PKHD1L1: variants seen among roughly 807,000 people sequenced by gnomAD.
The protein encoded by PKHD1L1 is fibrocystin-L.
PKHD1L1 carries 434 observed loss-of-function variants against 462.9 expected under a neutral mutation model. The ratio of observed to expected loss-of-function variants is 0.94; its 90% CI spans 0.87 to 1.02. The LOEUF (loss-of-function observed/expected upper bound fraction) is 1.02. PKHD1L1 is among the 50% of genes least tolerant of loss of function. PKHD1L1 has a pLI of 0.00. For missense variants in PKHD1L1, 5,202 were observed against 5,096.1 expected (o/e 1.02, Z -0.63); for synonymous variants, 1,781 against 1,750.0 (o/e 1.02, Z -0.44).
At chr8:109,472,715 G>GA (rs11321135) in intron 50 of PKHD1L1, among the ~76,000 whole-genome samples, 13 of 150,072 alleles carry the variant, frequency 8.7e-5, no homozygotes, top group Admixed American at 1.3e-4. Context: ...TTCTGTGTGT[G>GA]AAAAAAAAAA....
chr8:109,441,720 T>C (rs1433677949), intron 34 of PKHD1L1, among the ~76,000 whole-genome samples: 1 of 152,172 alleles, frequency 6.6e-6, no homozygotes, highest in African/African-American at 2.4e-5. Flanking sequence ...ATATTCTATG[T>C]AAGATTTCTA....
At chr8:109,450,681 A>C (rs1489065689) in intron 40 of PKHD1L1, among the ~76,000 whole-genome samples, 1 of 152,102 alleles carries the variant, frequency 6.6e-6, no homozygotes, top group Admixed American at 6.6e-5. Flanking sequence ...CTAATTTACA[A>C]AGTTGGATCC....
Position 109,464,843 on chromosome 8 carries a change from C to T in PKHD1L1, c.8011C>T (p.His2671Tyr), listed in dbSNP as rs761865905. The T allele has an allele frequency of 1.7e-5, 28 of 1,613,600 alleles. No individual in the cohort carries two copies. The African/African-American group carries it at 3.2e-4, about 18-fold the overall frequency. Reference sequence around the variant, plus strand: ...GGTCAATGGAGGTGCCCTTCAGTTCCATAACTTTGTGATGGTGAATAACTA... The same window carrying T: ...GGTCAATGGAGGTGCCCTTCAGTTCTATAACTTTGTGATGGTGAATAACTA... ...EWVNGGALQFHNFVMVNNYEA... is the reference protein window; with the variant it reads ...EWVNGGALQFYNFVMVNNYEA... Residue 2671 changes from histidine to tyrosine, a missense_variant, in exon 49 of 78, where the codon CAT (histidine) becomes TAT (tyrosine). Physicochemically the swap from His to Tyr is moderately conservative, Grantham distance 83 (BLOSUM62 2). Coordinates refer to ENST00000378402, the MANE Select transcript of PKHD1L1 (RefSeq NM_177531.6).
At chr8:109,419,759 G>A (rs973529975) in intron 22 of PKHD1L1, among the ~76,000 whole-genome samples, 1 of 152,012 alleles carries the variant, frequency 6.6e-6, no homozygotes. Context: ...TTTATTAGAT[G>A]TAATAATAAT....
Position 109,364,642 on chromosome 8 carries a change from G to C in PKHD1L1, c.163+6G>C. The C allele has an allele frequency of 7.6e-7, 1 of 1,315,508 alleles. No individual in the cohort carries two copies. Among genetic ancestry groups the C allele is most frequent in the Non-Finnish European group, 1.0e-6 (1 of 984,132 alleles). 81.5% of individuals were successfully genotyped at this position (1,315,508 alleles called of 1,614,324 possible). On this transcript the variant is annotated splice_donor_region_variant and intron_variant, in intron 2 of 77. Transcript: ENST00000378402. ...GCTGACTATAAGAGGGGAAGGTATC[G>C]TTGCTTTTTTTTTTTTTTTTTTGCC...
intron 53 of PKHD1L1, 146 bp downstream of exon 53, chr8:109,477,542 G>A (rs1818055032): frequency 4.0e-6 from 3 of 752,046 alleles, no homozygotes. Flanking sequence ...TGCTTTGCTT[G>A]AGCCTTACAA....
chr8:109,369,624 AAT>A (rs35538975), intron 2 of PKHD1L1, among the ~76,000 whole-genome samples: 45,405 of 148,894 alleles, frequency 0.3, 7,348 homozygotes, highest in Admixed American at 0.44. Context: ...CTGATAGGAA[AAT>A]ATATATATAT....
chr8:109,512,765 G>T (rs1207724543), intron 71 of PKHD1L1, among the ~76,000 whole-genome samples: 1 of 152,010 alleles, frequency 6.6e-6, no homozygotes, highest in Admixed American at 6.6e-5. Context: ...GGATGGCATT[G>T]AATCTATAAA....
In PKHD1L1 at chr8:109,469,764, T is replaced by G. The variant is rs569643619; in HGVS notation, c.8605+2995T>G. The stretch of plus-strand genomic sequence containing the variant: ...AACCCAGAAACCTTTGCTTTTCTTC[T>G]GATAACTAGATGTCCAGAATGGAAT... On this transcript the variant is annotated intron_variant, in intron 50 of 77. Coordinates refer to ENST00000378402, the MANE Select transcript of PKHD1L1 (RefSeq NM_177531.6). Among the ~76,000 whole-genome samples the G allele has an allele frequency of 8.2e-4, 125 of 152,304 alleles. 1 individual carries two copies. Among genetic ancestry groups the G allele is most frequent in the Middle Eastern group, 3.4e-3 (1 of 294 alleles).
At chr8:109,500,601 G>A (rs573112861) in intron 67 of PKHD1L1, among the ~76,000 whole-genome samples, 7 of 143,140 alleles carry the variant, frequency 4.9e-5, no homozygotes, top group South Asian at 2.3e-4. Context: ...TTGAAACTGG[G>A]AGGCGGAGGT....
chr8:109,421,984 A>T (rs1814498299), intron 23 of PKHD1L1, among the ~76,000 whole-genome samples: 1 of 152,230 alleles, frequency 6.6e-6, no homozygotes. Context: ...TGATAGGTAC[A>T]TGTAATAAAT....
rs1812569820 is a variant in PKHD1L1 at position 109,388,929 on chromosome 8, A to G, written c.624-150A>G. 24 of 504,780 alleles carry G rather than the reference A, an allele frequency of 4.8e-5. No homozygotes were observed. In the South Asian group the frequency reaches 9.0e-4, roughly 19 times the overall value. The allele number at this position is 504,780 out of a possible 1,614,324, so 31.3% of individuals were successfully genotyped here. Reference sequence around the variant, plus strand: ...GCAAACATCTTCAACAAAGTCTGGGAAATAGTTTTATTTTACAGAAATTTT... The same window carrying G: ...GCAAACATCTTCAACAAAGTCTGGGGAATAGTTTTATTTTACAGAAATTTT... On this transcript the variant is annotated intron_variant, in intron 7 of 77. Transcript: ENST00000378402.
At chr8:109,373,242 T>A (rs1811614491) in intron 2 of PKHD1L1, among the ~76,000 whole-genome samples, 1 of 152,206 alleles carries the variant, frequency 6.6e-6, no homozygotes, top group South Asian at 2.1e-4. Flanking sequence ...GGAGGGTGTA[T>A]GTGTCGAGGA....
At chr8:109,497,501 C>T (rs1194174968) in intron 65 of PKHD1L1, among the ~76,000 whole-genome samples, 3 of 142,672 alleles carry the variant, frequency 2.1e-5, no homozygotes, top group African/African-American at 5.2e-5. Context: ...GGCACAATTT[C>T]GGCTCACTGC....
At chr8:109,426,241 T>A (rs2130670892) in intron 24 of PKHD1L1, among the ~76,000 whole-genome samples, 1 of 152,158 alleles carries the variant, frequency 6.6e-6, no homozygotes, top group African/African-American at 2.4e-5. Flanking sequence ...ACATTGTTAT[T>A]AATTTAATCA....
At position 109,518,649 on chromosome 8, in the gene PKHD1L1, C is replaced by G. The variant is rs1196341388; in HGVS notation, c.12031+141C>G. ...TGAACCCTCTAAGTGCCCAGAGACC[C>G]TTTTTCCTTCTTTGCTCCTGTACTA... On this transcript the variant is annotated intron_variant, in intron 73 of 77. Transcript: ENST00000378402. 5 of 615,768 alleles carry G rather than the reference C, an allele frequency of 8.1e-6. No individual in the cohort carries two copies. In the African/African-American group the frequency reaches 9.2e-5, roughly 11 times the overall value. The allele number at this position is 615,768 out of a possible 1,614,324, so 38.1% of individuals were successfully genotyped here.
chr8:109,486,508 G>T (rs547249961), intron 58 of PKHD1L1, 140 bp from the exon 59 acceptor site: 2 of 626,488 alleles, frequency 3.2e-6, no homozygotes, highest in South Asian at 2.8e-5. Flanking sequence ...ATCTATATAT[G>T]TTTAACATGT....
rs766480817 is a variant in PKHD1L1 at position 109,364,527 on chromosome 8, T to A, written c.74-20T>A. The stretch of plus-strand genomic sequence containing the variant: ...AGAACTTGGTGATTTTTACCTCTAC[T>A]GTATTTTAATATTTTTCAGATGGCT... On this transcript the variant is annotated intron_variant, in intron 1 of 77. Coordinates refer to ENST00000378402, the MANE Select transcript of PKHD1L1 (RefSeq NM_177531.6). 6.6e-7 allele frequency: 1 copy of A among 1,504,922 alleles called. No homozygotes were observed. Among genetic ancestry groups the A allele is most frequent in the East Asian group, 2.3e-5 (1 of 44,042 alleles). 93.2% of individuals were successfully genotyped at this position (1,504,922 alleles called of 1,614,324 possible).
At chr8:109,496,625 G>A (rs1242660062) in intron 63 of PKHD1L1, among the ~76,000 whole-genome samples, 1 of 152,174 alleles carries the variant, frequency 6.6e-6, no homozygotes, top group Non-Finnish European at 1.5e-5. Context: ...AGGCGAGGTG[G>A]GGCATGCCTG....
Sources: gnomAD v4.1 joint callset for allele counts (sites outside exome capture counted in the v4.1 genomes callset) on GRCh38, gnomAD v4.1.1 for gene constraint, MANE v1.5 for transcripts, NCBI Gene and HGNC (gene_info 2026-07-23, HGNC 2026-07-21) for gene names.